GALNT10: variants seen among roughly 807,000 people sequenced by gnomAD.
GALNT10 encodes the protein GalNAc transferase 10.
GALNT10 carries 41 observed loss-of-function variants against 75.0 expected under a neutral mutation model. The ratio of observed to expected loss-of-function variants is 0.55; its 90% CI spans 0.43 to 0.71. The LOEUF (loss-of-function observed/expected upper bound fraction) is 0.71. Ranked by LOEUF, GALNT10 falls within the 30% of genes least tolerant of loss-of-function variation. The probability of loss-of-function intolerance (pLI) is 0.00; values close to 1 mark genes in which losing one functional copy is unlikely to be tolerated. For synonymous variants in GALNT10, 302 were observed against 313.0 expected, an observed-to-expected ratio of 0.96 and a Z score of 0.37; for missense variants, 727 against 818.5, an observed-to-expected ratio of 0.89 and a Z score of 1.36.
At chr5:154,383,287 A>G (rs1430721651) in intron 6 of GALNT10, among the ~76,000 whole-genome samples, 1 of 152,154 alleles carries the variant, frequency 6.6e-6, no homozygotes, top group Non-Finnish European at 1.5e-5. Flanking sequence ...TGGGCAATCT[A>G]CAGGCACAGC....
chr5:154,274,822 A>G (rs1371873001), intron 1 of GALNT10, among the ~76,000 whole-genome samples: 1 of 152,226 alleles, frequency 6.6e-6, no homozygotes, highest in African/African-American at 2.4e-5. Flanking sequence ...ATGAACATCT[A>G]GTTCCATTGG....
intron 1 of GALNT10, among the ~76,000 whole-genome samples, chr5:154,253,307 C>T (rs886136850): frequency 2.7e-5 from 4 of 148,906 alleles, no homozygotes; most frequent in Non-Finnish European, 5.9e-5. Flanking sequence ...AAACCAAACA[C>T]CGCATATTCT....
At chr5:154,355,227 C>A (rs1312236148) in intron 4 of GALNT10, among the ~76,000 whole-genome samples, 1 of 152,172 alleles carries the variant, frequency 6.6e-6, no homozygotes, top group African/African-American at 2.4e-5. Flanking sequence ...ACCTTCCTGT[C>A]CAACCTCCCT....
intron 1 of GALNT10, among the ~76,000 whole-genome samples, chr5:154,240,380 C>T (rs891972694): frequency 3.3e-5 from 5 of 152,046 alleles, no homozygotes; most frequent in Non-Finnish European, 7.4e-5. Flanking sequence ...TATAGTAGAC[C>T]CAATACACAA....
chr5:154,342,168 T>C (rs1316186377), intron 4 of GALNT10, among the ~76,000 whole-genome samples: 4 of 152,140 alleles, frequency 2.6e-5, no homozygotes, highest in African/African-American at 9.7e-5. Context: ...CCTGTCTACC[T>C]CAAAGTCTCA....
intron 1 of GALNT10, among the ~76,000 whole-genome samples, chr5:154,197,349 C>T (rs1013073517): frequency 2.0e-5 from 3 of 152,112 alleles, no homozygotes; most frequent in African/African-American, 7.2e-5. Context: ...CTGCAGCTTC[C>T]ACGTTTTTTC....
At chr5:154,324,281 C>G (rs1271459882) in intron 3 of GALNT10, among the ~76,000 whole-genome samples, 1 of 152,202 alleles carries the variant, frequency 6.6e-6, no homozygotes, top group Admixed American at 6.5e-5. Context: ...AGCTGTGCTT[C>G]CCACTGGGAA....
At chr5:154,310,071 T>C (rs1167076591) in intron 3 of GALNT10, among the ~76,000 whole-genome samples, 1 of 152,224 alleles carries the variant, frequency 6.6e-6, no homozygotes, top group Non-Finnish European at 1.5e-5. Flanking sequence ...CCTTCCACCC[T>C]TTTTGTTGGG....
At position 154,417,072 on chromosome 5, in the gene GALNT10, G is replaced by T; in HGVS notation, c.*100G>T. 2.8e-6 allele frequency: 3 copies of T among 1,073,182 alleles called. No homozygotes were observed. Among genetic ancestry groups the T allele is most frequent in the Non-Finnish European group, 2.8e-6 (2 of 719,472 alleles). The allele number at this position is 1,073,182 out of a possible 1,614,324, so 66.5% of individuals were successfully genotyped here. On this transcript the variant is annotated 3_prime_UTR_variant, in exon 12 of 12. Transcript: ENST00000297107. ...CCCCTGTGGGCACTAGGTGTAAAAG[G>T]TGCTGGCCAAATGGTTCAGGGTGAA...
At chr5:154,301,572 T>G (rs1379233759) in intron 3 of GALNT10, among the ~76,000 whole-genome samples, 1 of 151,364 alleles carries the variant, frequency 6.6e-6, no homozygotes, top group Non-Finnish European at 1.5e-5. Flanking sequence ...GTTTTTTTTT[T>G]TTTTTGAGAC....
chr5:154,259,302 T>G (rs1753662986), intron 1 of GALNT10, among the ~76,000 whole-genome samples: 1 of 152,144 alleles, frequency 6.6e-6, no homozygotes. Context: ...CTCTCATGAT[T>G]AATTTGACAC....
In GALNT10 at chr5:154,222,906, C is replaced by T. The variant is rs1581926106; in HGVS notation, c.159+31881C>T. ...AATCTGTGGCTTGCCTTTTTGTTTT[C>T]CTAATAAGGTATCAGTATCATCTGG... On this transcript the variant is annotated intron_variant, in intron 1 of 11. Transcript: ENST00000297107. 2.0e-5 allele frequency among the ~76,000 whole-genome samples: 3 copies of T among 151,830 alleles called. No homozygotes were observed. In the South Asian group the frequency reaches 6.2e-4, roughly 32 times the overall value.
In GALNT10 at chr5:154,196,343, G is replaced by A. The variant is rs75576498; in HGVS notation, c.159+5318G>A. Reference sequence around the variant, plus strand: ...CCATTACTGCTATCCCTGACAGACAGAGAGAACTTGAGCCTAAGAACCACC... The same window carrying A: ...CCATTACTGCTATCCCTGACAGACAAAGAGAACTTGAGCCTAAGAACCACC... On this transcript the variant is annotated intron_variant, in intron 1 of 11. Coordinates refer to ENST00000297107, the MANE Select transcript of GALNT10 (RefSeq NM_198321.4). Among the ~76,000 whole-genome samples, 163 of 152,342 alleles carry A rather than the reference G, an allele frequency of 1.1e-3. 3 individuals carry two copies. The East Asian group carries it at 0.016, about 15-fold the overall frequency.
At chr5:154,306,621 GA>G (rs1754436492) in intron 3 of GALNT10, among the ~76,000 whole-genome samples, 1 of 151,600 alleles carries the variant, frequency 6.6e-6, no homozygotes, top group Non-Finnish European at 1.5e-5. Flanking sequence ...TCAGAAACTA[GA>G]AAAAGAAGAG....
chr5:154,403,531 G>A (rs905470290), intron 7 of GALNT10, among the ~76,000 whole-genome samples: 1 of 152,224 alleles, frequency 6.6e-6, no homozygotes, highest in Non-Finnish European at 1.5e-5. Flanking sequence ...GAGACCCAGC[G>A]AGAGGCTCAT....
At chr5:154,413,041 C>A in intron 10 of GALNT10, 36 bp downstream of exon 10, 1 of 1,333,670 alleles carries the variant, frequency 7.5e-7, no homozygotes, top group Non-Finnish European at 1.1e-6. Flanking sequence ...CAGCCAGGTT[C>A]TCTGAAACAT....
intron 1 of GALNT10, among the ~76,000 whole-genome samples, chr5:154,236,485 C>G (rs931130830): frequency 6.6e-6 from 1 of 152,196 alleles, no homozygotes; most frequent in African/African-American, 2.4e-5. Context: ...GTAGGCTCCT[C>G]TGGTCTTCTT....
chr5:154,303,760 ATACT>A (rs1200516343), intron 3 of GALNT10, among the ~76,000 whole-genome samples: 2 of 152,226 alleles, frequency 1.3e-5, no homozygotes, highest in Admixed American at 6.5e-5. Context: ...AAGCTTGATA[ATACT>A]TACATCAATA....
chr5:154,374,312 G>A (rs1288230930), intron 4 of GALNT10, among the ~76,000 whole-genome samples: 1 of 152,160 alleles, frequency 6.6e-6, no homozygotes, highest in African/African-American at 2.4e-5. Context: ...TCTAGCCTCT[G>A]GTTGTATGTA....
Sources: gnomAD v4.1 joint callset for allele counts (sites outside exome capture counted in the v4.1 genomes callset) on GRCh38, gnomAD v4.1.1 for gene constraint, MANE v1.5 for transcripts, NCBI Gene and HGNC (gene_info 2026-07-23, HGNC 2026-07-21) for gene names.